Variants in COBLL1 observed in about 807,000 individuals in gnomAD.
COBLL1 encodes the protein cordon-bleu protein-like 1.
A neutral mutation model predicts 94.8 loss-of-function variants in COBLL1; 50 were observed. That is an observed-to-expected ratio of 0.53 (90% CI 0.42 to 0.67). The LOEUF (loss-of-function observed/expected upper bound fraction) is 0.67, where lower values mean the gene tolerates loss of function less well. Among genes scored for constraint, COBLL1 ranks in the 30% least tolerant of loss-of-function variants. COBLL1 has a pLI of 0.00. For missense variants in COBLL1, 1,362 were observed against 1,348.7 expected, an observed-to-expected ratio of 1.01 and a Z score of -0.15; for synonymous variants, 448 against 473.8, an observed-to-expected ratio of 0.95 and a Z score of 0.71.
chr2:164,841,878 C>T (rs936338774), upstream of COBLL1: 6 of 1,120,234 alleles, frequency 5.4e-6, no homozygotes, highest in African/African-American at 4.7e-5. The surrounding 1 kb of genome is among the most constrained non-coding windows in gnomAD (Gnocchi z 5.5). Flanking sequence ...GCCGACTCAG[C>T]ACCTCCCCTG....
intron 3 of COBLL1, chr2:164,738,438 A>G (rs531811725): frequency 4.6e-5 from 7 of 152,298 alleles, no homozygotes; most frequent in African/African-American, 1.7e-4. Flanking sequence ...TGTGGTTTCT[A>G]TATCTGTTTA....
chr2:164,713,774 G>T (rs550761707), intron 7 of COBLL1, among the ~76,000 whole-genome samples: 9 of 152,258 alleles, frequency 5.9e-5, no homozygotes, highest in Non-Finnish European at 1.0e-4. Flanking sequence ...AAAGATGTCA[G>T]TCAATGTTTT....
chr2:164,744,515 G>T (rs1014485064), intron 2 of COBLL1, among the ~76,000 whole-genome samples: 5 of 151,998 alleles, frequency 3.3e-5, no homozygotes, highest in African/African-American at 1.2e-4. Context: ...ATAACTCCCT[G>T]CAAAAAAGAA....
At chr2:164,839,467 T>C (rs1559064332) in intron 2 of COBLL1, among the ~76,000 whole-genome samples, 1 of 152,220 alleles carries the variant, frequency 6.6e-6, no homozygotes, top group Non-Finnish European at 1.5e-5. Flanking sequence ...TGAAGGTTCT[T>C]ACTACAGTTA....
intron 11 of COBLL1, 49 bp from the exon 12 acceptor site, chr2:164,695,885 C>G (rs1482925960): frequency 1.4e-6 from 2 of 1,448,072 alleles, no homozygotes; most frequent in Non-Finnish European, 1.8e-6. Flanking sequence ...AGTAGAAAAC[C>G]TCAAGTTTTT....
intron 2 of COBLL1, among the ~76,000 whole-genome samples, chr2:164,781,495 C>T (rs1688722406): frequency 1.3e-5 from 2 of 152,204 alleles, no homozygotes; most frequent in South Asian, 4.1e-4. Flanking sequence ...GCAGACCAGA[C>T]ACTTTGTAAA....
chr2:164,718,180 C>T, intron 7 of COBLL1: 2 of 819,548 alleles, frequency 2.4e-6, no homozygotes, highest in Non-Finnish European at 2.9e-6. Flanking sequence ...TTAATGTTTA[C>T]TTATCAATTC....
intron 7 of COBLL1, among the ~76,000 whole-genome samples, chr2:164,709,718 AAAAT>A (rs957005692): frequency 2.6e-5 from 4 of 152,028 alleles, no homozygotes; most frequent in African/African-American, 9.7e-5. Context: ...ACTCCATCTC[AAAAT>A]AAATAAATAA....
intron 7 of COBLL1, chr2:164,718,205 C>T (rs1445354327): frequency 1.0e-6 from 1 of 966,592 alleles, no homozygotes; most frequent in Non-Finnish European, 1.2e-6. Flanking sequence ...GAACACCTAC[C>T]ATGTTACAGA....
At chr2:164,790,814 A>G (rs1683151846) in intron 2 of COBLL1, among the ~76,000 whole-genome samples, 2 of 152,246 alleles carry the variant, frequency 1.3e-5, no homozygotes, top group African/African-American at 4.8e-5. Context: ...CATGGTTTAC[A>G]TAATACACCA....
At chr2:164,750,710 T>C (rs1410519545) in intron 2 of COBLL1, among the ~76,000 whole-genome samples, 1 of 152,196 alleles carries the variant, frequency 6.6e-6, no homozygotes, top group East Asian at 1.9e-4. Context: ...GGCCTTCCAA[T>C]GCATTGATGA....
intron 7 of COBLL1, among the ~76,000 whole-genome samples, chr2:164,719,983 A>T (rs1479435679): frequency 6.6e-6 from 1 of 152,174 alleles, no homozygotes; most frequent in Non-Finnish European, 1.5e-5. Flanking sequence ...GTTCAAGACC[A>T]AGGAAGAAAA....
In COBLL1 at chr2:164,841,561, G is replaced by C. The variant is rs1683623622; in HGVS notation, c.-51+149C>G. ...CCGGGGCTGGAAAAGGAGGAGGAGCGGGGCCGGGCGCACGGGCACCGCTGC... is the reference window on the plus strand; with the variant it reads ...CCGGGGCTGGAAAAGGAGGAGGAGCCGGGCCGGGCGCACGGGCACCGCTGC... On this transcript the variant is annotated intron_variant, in intron 1 of 13. Transcript: ENST00000652658. The surrounding 1 kb of genome is among the most constrained non-coding windows in gnomAD (Gnocchi z 5.5). 1.5e-6 allele frequency: 1 copy of C among 666,310 alleles called. No individual in the cohort carries two copies. The highest frequency in any genetic ancestry group is 2.0e-6 in the Non-Finnish European group (1 of 506,332). The allele number at this position is 666,310 out of a possible 1,614,324, so 41.3% of individuals were successfully genotyped here. A position where few individuals can be genotyped will look rare whatever the true frequency, so the allele number is the denominator to read the frequency against.
intron 2 of COBLL1, among the ~76,000 whole-genome samples, chr2:164,807,976 C>T (rs1162292325): frequency 1.3e-5 from 2 of 152,000 alleles, no homozygotes; most frequent in African/African-American, 2.4e-5. Context: ...TGCACCACCA[C>T]GCCCAGCTAA....
chr2:164,785,964 C>A (rs1439623454), intron 2 of COBLL1, among the ~76,000 whole-genome samples: 1 of 151,108 alleles, frequency 6.6e-6, no homozygotes, highest in Non-Finnish European at 1.5e-5. Flanking sequence ...AAACAGGCAG[C>A]TAATTTGATT....
At position 164,722,198 on chromosome 2, in the gene COBLL1, C is replaced by T. The variant is rs780048723; in HGVS notation, c.873G>A (p.Lys291=). 1 of 1,614,102 alleles carries T rather than the reference C, an allele frequency of 6.2e-7. No homozygotes were observed. Among genetic ancestry groups the T allele is most frequent in the East Asian group, 2.2e-5 (1 of 44,864 alleles). ...ISNTLPSDAP[K]KRRAPLPPMP... ...TCGGGGGCAGTGGAGCCCGCCTCTTCTTGGGTGCATCCGACGGCAGGGTGT... is the reference window on the plus strand; with the variant it reads ...TCGGGGGCAGTGGAGCCCGCCTCTTTTTGGGTGCATCCGACGGCAGGGTGT... Residue 291 remains lysine (K), a synonymous_variant, in exon 7 of 14, where the codon AAG becomes AAA. Transcript: ENST00000652658.
intron 4 of COBLL1, 53 bp downstream of exon 4, chr2:164,729,861 G>A (rs1035806305): frequency 4.9e-6 from 7 of 1,438,470 alleles, no homozygotes; most frequent in South Asian, 4.6e-5. Flanking sequence ...CACTTACAAT[G>A]AGCTGCTGAT....
intron 2 of COBLL1, among the ~76,000 whole-genome samples, chr2:164,786,746 A>C (rs1416357197): frequency 1.3e-5 from 2 of 152,130 alleles, no homozygotes; most frequent in African/African-American, 2.4e-5. Flanking sequence ...CTTTGTCACC[A>C]ACCCTTACCC....
chr2:164,707,807 C>T (rs1375660244), intron 7 of COBLL1, among the ~76,000 whole-genome samples: 4 of 152,120 alleles, frequency 2.6e-5, no homozygotes, highest in Admixed American at 6.6e-5. Flanking sequence ...TACAAGACAA[C>T]GTAGGTACCT....
Sources: gnomAD v4.1 joint callset for allele counts (sites outside exome capture counted in the v4.1 genomes callset) on GRCh38, gnomAD v4.1.1 for gene constraint, Gnocchi (gnomAD v3.1) non-coding constraint, MANE v1.5 for transcripts, NCBI Gene and HGNC (gene_info 2026-07-23, HGNC 2026-07-21) for gene names.